Variants in TMEM232 observed in about 807,000 individuals in gnomAD.
TMEM232 encodes transmembrane protein 232.
TMEM232 carries 80 observed loss-of-function variants against 78.8 expected under a neutral mutation model. That is an observed-to-expected ratio of 1.01 (90% CI 0.85 to 1.22). The LOEUF (loss-of-function observed/expected upper bound fraction) is 1.22. TMEM232 is among the 50% of genes most tolerant of loss of function. The pLI is 0.00. For missense variants in TMEM232, 881 were observed against 742.2 expected (o/e 1.19, Z -2.17); for synonymous variants, 297 against 254.3 (o/e 1.17, Z -1.60).
intron 12 of TMEM232, among the ~76,000 whole-genome samples, chr5:110,462,005 C>G (rs76548622): frequency 0.012 from 1,893 of 152,272 alleles, 29 homozygotes; most frequent in East Asian, 0.04. Flanking sequence ...AACACAATAT[C>G]CATTCCAGAG....
intron 1 of TMEM232, among the ~76,000 whole-genome samples, chr5:110,678,597 T>C (rs1248692571): frequency 1.3e-5 from 2 of 152,150 alleles, no homozygotes; most frequent in Non-Finnish European, 2.9e-5. Flanking sequence ...TTTGGACAAA[T>C]GTATAATGTC....
chr5:110,561,182 A>G (rs1360740280), intron 11 of TMEM232, among the ~76,000 whole-genome samples: 2 of 152,108 alleles, frequency 1.3e-5, no homozygotes, highest in African/African-American at 4.8e-5. Flanking sequence ...CAAGAATTTC[A>G]TACAGGGAAT....
At chr5:110,670,066 T>G (rs1300465901) in intron 1 of TMEM232, among the ~76,000 whole-genome samples, 3 of 152,154 alleles carry the variant, frequency 2.0e-5, no homozygotes, top group Non-Finnish European at 4.4e-5. Flanking sequence ...CTTTGAAAAC[T>G]GGCACAAGAC....
chr5:110,432,150 T>C (rs1259865256), intron 12 of TMEM232, among the ~76,000 whole-genome samples: 1 of 151,582 alleles, frequency 6.6e-6, no homozygotes, highest in Non-Finnish European at 1.5e-5. Context: ...TGAGATACTA[T>C]ATAAGGTCAC....
chr5:110,441,207 T>A (rs1425424460), intron 12 of TMEM232, among the ~76,000 whole-genome samples: 2 of 152,098 alleles, frequency 1.3e-5, no homozygotes, highest in African/African-American at 4.8e-5. Context: ...GTGAGACATT[T>A]AGCAATAGCT....
At chr5:110,427,780 CT>C (rs1300521022) in intron 12 of TMEM232, among the ~76,000 whole-genome samples, 3 of 151,882 alleles carry the variant, frequency 2.0e-5, no homozygotes, top group African/African-American at 7.2e-5. Flanking sequence ...CTCCACGTGG[CT>C]TTTTCCTTCT....
chr5:110,445,017 ACT>A (rs1759491026), intron 12 of TMEM232, among the ~76,000 whole-genome samples: 1 of 150,600 alleles, frequency 6.6e-6, no homozygotes, highest in Non-Finnish European at 1.5e-5. Context: ...ATGTCTAGGA[ACT>A]CTTTCTTTCT....
At position 110,420,446 on chromosome 5, in the gene TMEM232, C is replaced by A. The variant is rs1034754902; in HGVS notation, c.*134G>T. On this transcript the variant is annotated 3_prime_UTR_variant, in exon 14 of 14. Transcript: ENST00000455884. ...AAACAAACAGCTTGTATCAGGAAAA[C>A]AAATTCTTTCTAAACAATACCTCCA... is the stretch of plus-strand genomic sequence containing the variant. The A allele has an allele frequency of 1.7e-6, 1 of 580,252 alleles. No individual in the cohort carries two copies. Among genetic ancestry groups the A allele is most frequent in the Non-Finnish European group, 2.7e-6 (1 of 369,514 alleles). 35.9% of individuals were successfully genotyped at this position (580,252 alleles called of 1,614,324 possible). A position where few individuals can be genotyped will look rare whatever the true frequency, so the allele number is the denominator to read the frequency against.
chr5:110,522,524 C>T (rs1323345324), intron 12 of TMEM232, among the ~76,000 whole-genome samples: 3 of 152,070 alleles, frequency 2.0e-5, no homozygotes, highest in Non-Finnish European at 2.9e-5. Flanking sequence ...TTTTCACTAT[C>T]GAGTATGATG....
intron 2 of TMEM232, among the ~76,000 whole-genome samples, chr5:110,650,026 G>A (rs535265766): frequency 8.5e-4 from 129 of 152,158 alleles, no homozygotes; most frequent in South Asian, 1.7e-3. Context: ...TGCATGTACT[G>A]TACTTAGAGG....
intron 1 of TMEM232, among the ~76,000 whole-genome samples, chr5:110,709,084 T>C (rs1393605868): frequency 6.6e-6 from 1 of 152,134 alleles, no homozygotes; most frequent in Non-Finnish European, 1.5e-5. Flanking sequence ...GGAGTTGCTA[T>C]ACTTATTTAA....
chr5:110,391,291 A>AGGTGTGTG (rs1554071702), intron 3 of TMEM232, among the ~76,000 whole-genome samples: 2 of 130,578 alleles, frequency 1.5e-5, no homozygotes, highest in African/African-American at 6.2e-5. Context: ...TCCCGTTTGA[A>AGGTGTGTG]TGTGTGTGTG....
At chr5:110,663,729 A>ATG (rs368788337) in intron 2 of TMEM232, among the ~76,000 whole-genome samples, 29 of 147,622 alleles carry the variant, frequency 2.0e-4, no homozygotes, top group East Asian at 5.9e-4. Context: ...GGGGAAGGAA[A>ATG]TGTGTGTGTG....
At chr5:110,458,009 T>C (rs1468265060) in intron 12 of TMEM232, among the ~76,000 whole-genome samples, 1 of 152,176 alleles carries the variant, frequency 6.6e-6, no homozygotes, top group Non-Finnish European at 1.5e-5. Context: ...TCATCAATTA[T>C]ATATTTAAGA....
At chr5:110,701,781 A>G (rs928162112) in intron 1 of TMEM232, among the ~76,000 whole-genome samples, 2 of 152,018 alleles carry the variant, frequency 1.3e-5, no homozygotes, top group African/African-American at 2.4e-5. Context: ...AGGAAATTCC[A>G]TTCTACTTAA....
intron 12 of TMEM232, among the ~76,000 whole-genome samples, chr5:110,496,328 A>G (rs1765641045): frequency 6.6e-6 from 1 of 152,020 alleles, no homozygotes; most frequent in South Asian, 2.1e-4. Flanking sequence ...CTTGCATAGA[A>G]GCTGCAAAAT....
chr5:110,534,419 A>G (rs1412327390), intron 11 of TMEM232, among the ~76,000 whole-genome samples: 4 of 152,190 alleles, frequency 2.6e-5, no homozygotes, highest in African/African-American at 9.6e-5. Context: ...TACTTTTATC[A>G]CTTTCCCTTC....
intron 10 of TMEM232, among the ~76,000 whole-genome samples, chr5:110,573,135 C>A (rs540370592): frequency 2.8e-4 from 42 of 152,064 alleles, no homozygotes; most frequent in Non-Finnish European, 4.9e-4. Flanking sequence ...CACCACTGTA[C>A]TTGAAAATCA....
intron 12 of TMEM232, among the ~76,000 whole-genome samples, chr5:110,502,848 C>T (rs141649915): frequency 6.6e-6 from 1 of 152,188 alleles, no homozygotes; most frequent in Non-Finnish European, 1.5e-5. Context: ...AGCAGGCCTC[C>T]ACTTAAAAAT....
Sources: gnomAD v4.1 joint callset for allele counts (sites outside exome capture counted in the v4.1 genomes callset) on GRCh38, gnomAD v4.1.1 for gene constraint, MANE v1.5 for transcripts, NCBI Gene and HGNC (gene_info 2026-07-23, HGNC 2026-07-21) for gene names.